Variants in CCDC150 observed in about 807,000 individuals in gnomAD.
CCDC150 encodes coiled-coil domain-containing protein 150.
In CCDC150, 151 loss-of-function variants were observed where a neutral mutation model predicts 156.5. The observed-to-expected ratio is 0.97, with a 90% CI of 0.85 to 1.10. CCDC150 has a LOEUF of 1.10. CCDC150 is among the 50% of genes least tolerant of loss of function. CCDC150 has a pLI of 0.00. For missense variants in CCDC150, 1,312 were observed against 1,268.1 expected (o/e 1.03, Z -0.53); for synonymous variants, 452 against 429.4 (o/e 1.05, Z -0.65).
rs994754227 is a variant in CCDC150, at chr2:196,676,547, C to T, written c.1263-7C>T. On this transcript the variant is annotated splice_polypyrimidine_tract_variant and splice_region_variant and intron_variant, in intron 11 of 27. Coordinates refer to ENST00000389175, the MANE Select transcript of CCDC150 (RefSeq NM_001080539.2). ...AGCTTTCATATGTTCTTGATCTCTT[C>T]CTGCAGGGATCATTTAATCCTTGAG... The T allele has an allele frequency of 1.2e-5, 20 of 1,608,086 alleles. No individual in the cohort carries two copies. The African/African-American group carries it at 2.0e-4, about 16-fold the overall frequency.
chr2:196,654,128 A>G (rs1559216242), intron 2 of CCDC150, among the ~76,000 whole-genome samples: 1 of 152,160 alleles, frequency 6.6e-6, no homozygotes, highest in Non-Finnish European at 1.5e-5. Flanking sequence ...AGCTCCCACC[A>G]GGCCTTACCT....
chr2:196,703,283 A>G (rs1034585429), intron 15 of CCDC150, among the ~76,000 whole-genome samples: 2 of 152,226 alleles, frequency 1.3e-5, no homozygotes, highest in Non-Finnish European at 2.9e-5. Context: ...CAGAAATAGC[A>G]GGCCATCTAA....
chr2:196,705,451 T>C (rs1457870487), intron 15 of CCDC150, among the ~76,000 whole-genome samples: 1 of 152,258 alleles, frequency 6.6e-6, no homozygotes, highest in Non-Finnish European at 1.5e-5. Flanking sequence ...ATATTAGCTC[T>C]TTGTCAGATG....
At chr2:196,659,891 C>T (rs771728758) in intron 5 of CCDC150, among the ~76,000 whole-genome samples, 2 of 152,162 alleles carry the variant, frequency 1.3e-5, no homozygotes, top group Non-Finnish European at 2.9e-5. Context: ...ATGGGTTTGA[C>T]AAATGCATAA....
At chr2:196,689,306 A>T (rs949820271) in intron 13 of CCDC150, among the ~76,000 whole-genome samples, 16 of 152,018 alleles carry the variant, frequency 1.1e-4, no homozygotes, top group Non-Finnish European at 2.1e-4. Flanking sequence ...CTTGATGGGG[A>T]TGGCATTGAA....
At chr2:196,709,438 A>G (rs1318427310) in intron 15 of CCDC150, among the ~76,000 whole-genome samples, 2 of 152,084 alleles carry the variant, frequency 1.3e-5, no homozygotes, top group African/African-American at 2.4e-5. Flanking sequence ...CTTCCTTGCA[A>G]TGGGTTCGAA....
intron 4 of CCDC150, 45 bp from the exon 5 acceptor site, chr2:196,658,747 C>G: frequency 7.0e-7 from 1 of 1,424,294 alleles, no homozygotes; most frequent in Admixed American, 2.0e-5. Context: ...CAATTTCTTC[C>G]TGTCATTTCA....
intron 7 of CCDC150, among the ~76,000 whole-genome samples, chr2:196,668,182 C>T (rs1186120583): frequency 6.6e-6 from 1 of 151,758 alleles, no homozygotes; most frequent in Admixed American, 6.6e-5. Context: ...CCTGTAGTCC[C>T]AGCTACTTGG....
intron 13 of CCDC150, chr2:196,686,079 T>G (rs1165950580): frequency 6.2e-6 from 1 of 161,206 alleles, no homozygotes; most frequent in Non-Finnish European, 1.4e-5. Flanking sequence ...CTTTCAACAG[T>G]TTACTTATGT....
In CCDC150 at chr2:196,720,735, T is replaced by G. The variant is rs918965769; in HGVS notation, c.2259+67T>G. On this transcript the variant is annotated intron_variant, in intron 20 of 27. Transcript: ENST00000389175. ...AGTTTTATTGGGATATTACTGTTTT[T>G]GGGAAAATGAAGTGAAACTATCAGG... 6.5e-6 allele frequency: 9 copies of G among 1,386,638 alleles called. No individual in the cohort carries two copies. The South Asian group carries it at 1.0e-4, about 16-fold the overall frequency. 85.9% of individuals were successfully genotyped at this position (1,386,638 alleles called of 1,614,324 possible). A position where few individuals can be genotyped will look rare whatever the true frequency, so the allele number is the denominator to read the frequency against.
chr2:196,700,971 A>G (rs1696166143), intron 14 of CCDC150, 138 bp from the exon 15 acceptor site: 2 of 615,906 alleles, frequency 3.2e-6, no homozygotes. Context: ...GAAAAGACTA[A>G]AAGCAGCAGT....
In CCDC150 at chr2:196,694,994, A is replaced by G. The variant is rs540601631; in HGVS notation, c.1510-52A>G. The G allele has an allele frequency of 2.2e-5, 20 of 913,108 alleles. No homozygotes were observed. In the East Asian group the frequency reaches 4.2e-4, roughly 19 times the overall value. The allele number at this position is 913,108 out of a possible 1,614,324, so 56.6% of individuals were successfully genotyped here. A position where few individuals can be genotyped will look rare whatever the true frequency, so the allele number is the denominator to read the frequency against. ...ATTGTCATTTTAAAAATAAGATAAT[A>G]CTTTTTGCATCTGGCGTAAATAGTT... On this transcript the variant is annotated intron_variant, in intron 13 of 27. Transcript: ENST00000389175.
At chr2:196,717,022 A>G (rs1156836168) in intron 17 of CCDC150, among the ~76,000 whole-genome samples, 1 of 151,216 alleles carries the variant, frequency 6.6e-6, no homozygotes, top group Non-Finnish European at 1.5e-5. Flanking sequence ...CACCACGCCC[A>G]GCTAATTTAT....
At position 196,714,128 on chromosome 2, in the gene CCDC150, A is replaced by G. The variant is rs1261486893; in HGVS notation, c.1866+1389A>G. ...AGCTTATCTTCTAGAGTGGGCTACT[A>G]TTACCGGAAGGAGGGCTGTGAGTGT... On this transcript the variant is annotated intron_variant, in intron 17 of 27. Coordinates refer to ENST00000389175, the MANE Select transcript of CCDC150 (RefSeq NM_001080539.2). 2.6e-5 allele frequency among the ~76,000 whole-genome samples: 4 copies of G among 152,310 alleles called. No homozygotes were observed. In the East Asian group the frequency reaches 5.8e-4, roughly 22 times the overall value.
chr2:196,725,802 C>G (rs759985631), intron 21 of CCDC150, among the ~76,000 whole-genome samples, 171 bp from the exon 22 acceptor site: 2 of 152,158 alleles, frequency 1.3e-5, no homozygotes, highest in African/African-American at 4.8e-5. Context: ...AAATTCACTT[C>G]TTTTTTCTTC....
At chr2:196,705,700 CT>C (rs1280217244) in intron 15 of CCDC150, among the ~76,000 whole-genome samples, 1 of 152,168 alleles carries the variant, frequency 6.6e-6, no homozygotes, top group Admixed American at 6.5e-5. Context: ...ACATTTAAGT[CT>C]TTAATCCATC....
At chr2:196,640,468 T>G (rs1353296010) in intron 1 of CCDC150, among the ~76,000 whole-genome samples, 1 of 152,204 alleles carries the variant, frequency 6.6e-6, no homozygotes, top group African/African-American at 2.4e-5. Context: ...TTTCTTGAGC[T>G]CTTCAGAAAT....
intron 15 of CCDC150, among the ~76,000 whole-genome samples, chr2:196,709,113 CA>C (rs1372439098): frequency 9.9e-5 from 15 of 152,182 alleles, no homozygotes; most frequent in African/African-American, 3.6e-4. Context: ...ATCTTGGTTC[CA>C]TGCTCCCTGT....
chr2:196,729,357 G>A lies in CCDC150; in HGVS notation c.2721G>A (p.Ala907=), dbSNP rs1359609313. 2.0e-5 allele frequency: 32 copies of A among 1,613,688 alleles called. No homozygotes were observed. In the East Asian group the frequency reaches 6.2e-4, roughly 31 times the overall value. ...TQIKLHLSAK[A]NNAQNIERMK... ...TTAAGCTCCACTTGTCAGCTAAGGC[G>A]AATAATGCTCAGAATATAGAAAGGA... The change falls in exon 23 of 28, where the codon GCG becomes GCA. Residue 907 remains alanine (A), a synonymous_variant. Coordinates refer to ENST00000389175, the MANE Select transcript of CCDC150 (RefSeq NM_001080539.2).
Sources: allele counts gnomAD v4.1 joint callset (sites outside exome capture counted in the v4.1 genomes callset), GRCh38; gene constraint gnomAD v4.1.1; transcripts MANE v1.5; gene names NCBI Gene and HGNC (gene_info 2026-07-23, HGNC 2026-07-21).